FAM171A1: variants seen among roughly 807,000 people sequenced by gnomAD.
FAM171A1 encodes the protein family with sequence similarity 171 member A1, also known as protein FAM171A1.
In FAM171A1, 23 loss-of-function variants were observed where a neutral mutation model predicts 74.9. That is an observed-to-expected ratio of 0.31 (90% CI 0.22 to 0.44). The LOEUF (loss-of-function observed/expected upper bound fraction) is 0.44, where lower values mean the gene tolerates loss of function less well. FAM171A1 is among the 20% of genes least tolerant of loss of function. The pLI is 1.00. For missense variants in FAM171A1, 1,162 were observed against 1,159.2 expected (o/e 1.00, Z -0.03); for synonymous variants, 527 against 505.7 (o/e 1.04, Z -0.57).
chr10:15,371,531 A>C (rs1217468228), upstream of FAM171A1, among the ~76,000 whole-genome samples: 1 of 152,064 alleles, frequency 6.6e-6, no homozygotes. Flanking sequence ...AAGGGGCCGC[A>C]GGAGACATTG....
At position 15,212,796 on chromosome 10, in the gene FAM171A1, G is replaced by A; in HGVS notation, c.*119C>T. ...CACGGCAAACAGGAATGCAGTAAACGTCCACGTCCGTCCCACGGCTGGGCT... is the reference window on the plus strand; with the variant it reads ...CACGGCAAACAGGAATGCAGTAAACATCCACGTCCGTCCCACGGCTGGGCT... On this transcript the variant is annotated 3_prime_UTR_variant, in exon 8 of 8. Transcript: ENST00000378116. The A allele has an allele frequency of 7.9e-7, 1 of 1,267,000 alleles. No homozygotes were observed. The highest frequency in any genetic ancestry group is 1.5e-5 in the African/African-American group (1 of 66,866). The allele number at this position is 1,267,000 out of a possible 1,614,324, so 78.5% of individuals were successfully genotyped here.
chr10:15,361,386 T>G (rs951356461), intron 1 of FAM171A1, among the ~76,000 whole-genome samples: 2 of 152,136 alleles, frequency 1.3e-5, no homozygotes, highest in African/African-American at 4.8e-5. Context: ...TGGCTGTTCT[T>G]GAAATCAGAA....
Position 15,345,452 on chromosome 10 carries a change from T to C in FAM171A1, c.97+25504A>G, listed in dbSNP as rs138230491. ...GACACCCAAAGGGGACAACACCTGA[T>C]GCTTTAGGAAGAGTGAAAATGACTC... On this transcript the variant is annotated intron_variant, in intron 1 of 7. Transcript: ENST00000378116. 4.5e-4 allele frequency among the ~76,000 whole-genome samples: 69 copies of C among 152,334 alleles called. No individual in the cohort carries two copies. The East Asian group carries it at 8.5e-3, about 19-fold the overall frequency.
At chr10:15,276,835 C>A (rs1366074471) in intron 2 of FAM171A1, among the ~76,000 whole-genome samples, 1 of 152,108 alleles carries the variant, frequency 6.6e-6, no homozygotes, top group East Asian at 1.9e-4. Flanking sequence ...TGGGTGTGCA[C>A]CACTGCACCC....
chr10:15,345,780 GGA>G (rs1241486982), intron 1 of FAM171A1, among the ~76,000 whole-genome samples: 1 of 152,170 alleles, frequency 6.6e-6, no homozygotes, highest in East Asian at 1.9e-4. Context: ...AGAAAGCTGA[GGA>G]GAGCAAAGGT....
At position 15,339,029 on chromosome 10, in the gene FAM171A1, G is replaced by A. The variant is rs1033529120; in HGVS notation, c.97+31927C>T. ...GTTGGGATTATAGGCATGAGCCACC[G>A]CACCCAGCCCTGGATTACAGTTTTG... On this transcript the variant is annotated intron_variant, in intron 1 of 7. Coordinates refer to ENST00000378116, the MANE Select transcript of FAM171A1 (RefSeq NM_001010924.2). Among the ~76,000 whole-genome samples the A allele has an allele frequency of 5.3e-5, 8 of 152,162 alleles. 1 individual carries two copies. Among genetic ancestry groups the A allele is most frequent in the Admixed American group, 2.0e-4 (3 of 15,280 alleles).
At chr10:15,319,624 G>A (rs908204690) in intron 1 of FAM171A1, among the ~76,000 whole-genome samples, 4 of 152,010 alleles carry the variant, frequency 2.6e-5, no homozygotes, top group Admixed American at 2.6e-4. Context: ...GTAGAGACGG[G>A]GTTTCACCAT....
chr10:15,262,465 T>G (rs768350842), intron 3 of FAM171A1, among the ~76,000 whole-genome samples: 1 of 151,992 alleles, frequency 6.6e-6, no homozygotes, highest in African/African-American at 2.4e-5. Flanking sequence ...AGAGAAAGGA[T>G]GAAGACATCC....
chr10:15,328,316 T>C (rs1307230400), intron 1 of FAM171A1, among the ~76,000 whole-genome samples: 2 of 152,116 alleles, frequency 1.3e-5, no homozygotes, highest in Non-Finnish European at 2.9e-5. Context: ...AGCTAATTTT[T>C]TGTATTTTTA....
At chr10:15,219,278 G>A (rs1834005942) in intron 6 of FAM171A1, among the ~76,000 whole-genome samples, 1 of 151,918 alleles carries the variant, frequency 6.6e-6, no homozygotes, top group South Asian at 2.1e-4. Context: ...ACAAAACTCT[G>A]TCTCAAAAAA....
rs138683054 is a variant in FAM171A1, at chr10:15,332,627, T to A, written c.97+38329A>T. 3.7e-3 allele frequency among the ~76,000 whole-genome samples: 566 copies of A among 152,310 alleles called. 1 individual carries two copies. The highest frequency in any genetic ancestry group is 0.013 in the African/African-American group (541 of 41,554). On this transcript the variant is annotated intron_variant, in intron 1 of 7. Transcript: ENST00000378116. ...AACCTGTAATGATGAGTGTCATGAATTTATGCATACATGTAGCATTTCTCT... is the reference window on the plus strand; with the variant it reads ...AACCTGTAATGATGAGTGTCATGAAATTATGCATACATGTAGCATTTCTCT...
At chr10:15,302,557 C>T (rs1588542450) in intron 1 of FAM171A1, among the ~76,000 whole-genome samples, 1 of 150,928 alleles carries the variant, frequency 6.6e-6, no homozygotes, top group African/African-American at 2.4e-5. Flanking sequence ...TAGACTGTGC[C>T]ACATGGGTCC....
intron 5 of FAM171A1, among the ~76,000 whole-genome samples, chr10:15,229,459 G>A (rs1834155772): frequency 7.1e-6 from 1 of 140,010 alleles, no homozygotes; most frequent in South Asian, 2.3e-4. Flanking sequence ...CACCATCATT[G>A]TCACCATCAT....
intron 1 of FAM171A1, among the ~76,000 whole-genome samples, chr10:15,369,809 G>A (rs1836112645): frequency 1.3e-5 from 2 of 152,224 alleles, no homozygotes; most frequent in African/African-American, 2.4e-5. Context: ...AGCACTCCTC[G>A]TTTCTTTGGC....
At chr10:15,308,252 G>A (rs1835320568) in intron 1 of FAM171A1, among the ~76,000 whole-genome samples, 1 of 152,100 alleles carries the variant, frequency 6.6e-6, no homozygotes, top group African/African-American at 2.4e-5. Flanking sequence ...TACAATCAGA[G>A]TACATAGGAT....
intron 1 of FAM171A1, among the ~76,000 whole-genome samples, chr10:15,331,467 C>G (rs1188675110): frequency 6.6e-6 from 1 of 152,106 alleles, no homozygotes. Flanking sequence ...CAGATGGGCA[C>G]AGCAGGCTTG....
rs1017408811 is a variant in FAM171A1 at position 15,247,871 on chromosome 10, G to A, written c.754+768C>T. Among the ~76,000 whole-genome samples, 3 of 152,270 alleles carry A rather than the reference G, an allele frequency of 2.0e-5. No individual in the cohort carries two copies. In the East Asian group the frequency reaches 5.8e-4, roughly 29 times the overall value. ...ATGGAGGGTCCCACGTGGTAAGGAG[G>A]TAAGGCCTCTGGTCAACAGCCGGCA... On this transcript the variant is annotated intron_variant, in intron 5 of 7. Coordinates refer to ENST00000378116, the MANE Select transcript of FAM171A1 (RefSeq NM_001010924.2).
At chr10:15,337,422 AG>A (rs1440506379) in intron 1 of FAM171A1, among the ~76,000 whole-genome samples, 4 of 152,248 alleles carry the variant, frequency 2.6e-5, no homozygotes, top group Non-Finnish European at 4.4e-5. Flanking sequence ...CGTTGGAAAT[AG>A]GGGGCAAAAC....
At position 15,305,835 on chromosome 10, in the gene FAM171A1, C is replaced by T. The variant is rs554526011; in HGVS notation, c.98-21730G>A. Among the ~76,000 whole-genome samples, 12 of 152,260 alleles carry T rather than the reference C, an allele frequency of 7.9e-5. No homozygotes were observed. The East Asian group carries it at 2.3e-3, about 29-fold the overall frequency. The stretch of plus-strand genomic sequence containing the variant: ...TGTGGGGTGAACCCATGGTGAAAGT[C>T]CAGCCCTAAAATCGGAGAAAGGCTT... On this transcript the variant is annotated intron_variant, in intron 1 of 7. Transcript: ENST00000378116.
Sources: gnomAD v4.1 joint callset for allele counts (sites outside exome capture counted in the v4.1 genomes callset) on GRCh38, gnomAD v4.1.1 for gene constraint, MANE v1.5 for transcripts, NCBI Gene and HGNC (gene_info 2026-07-23, HGNC 2026-07-21) for gene names.